CTNNA3: variants seen among roughly 807,000 people sequenced by gnomAD.
CTNNA3 encodes catenin alpha 3.
CTNNA3 carries 76 observed loss-of-function variants against 95.7 expected under a neutral mutation model. The ratio of observed to expected loss-of-function variants is 0.79; its 90% CI spans 0.66 to 0.96. CTNNA3 has a LOEUF of 0.96. Among genes scored for constraint, CTNNA3 ranks in the 40% least tolerant of loss-of-function variants. The pLI is 0.00. For synonymous variants in CTNNA3, 431 were observed against 374.4 expected, an observed-to-expected ratio of 1.15 and a Z score of -1.74; for missense variants, 1,191 against 1,089.8, an observed-to-expected ratio of 1.09 and a Z score of -1.31.
At chr10:66,529,596 T>C (rs181040166) in intron 10 of CTNNA3, among the ~76,000 whole-genome samples, 119 of 152,246 alleles carry the variant, frequency 7.8e-4, no homozygotes, top group African/African-American at 2.6e-3. Context: ...TTCAAAAAAG[T>C]TATTTTGCTT....
chr10:66,448,794 T>C, intron 11 of CTNNA3, among the ~76,000 whole-genome samples: 1 of 151,978 alleles, frequency 6.6e-6, no homozygotes, highest in Non-Finnish European at 1.5e-5. Flanking sequence ...AACCTGCATA[T>C]TGTCCACATG....
intron 4 of CTNNA3, among the ~76,000 whole-genome samples, chr10:67,525,293 G>C (rs1166093762): frequency 6.6e-6 from 1 of 151,770 alleles, no homozygotes; most frequent in East Asian, 1.9e-4. Flanking sequence ...CCCAGCACTT[G>C]CTGGAAAAGT....
At chr10:67,164,721 T>C (rs1861684968) in intron 7 of CTNNA3, among the ~76,000 whole-genome samples, 1 of 151,816 alleles carries the variant, frequency 6.6e-6, no homozygotes, top group Admixed American at 6.6e-5. Flanking sequence ...TATTAGAAAA[T>C]AGGCAAAAAA....
intron 2 of CTNNA3, among the ~76,000 whole-genome samples, chr10:67,610,701 A>G (rs1843428146): frequency 6.6e-6 from 1 of 152,224 alleles, no homozygotes; most frequent in Admixed American, 6.5e-5. Flanking sequence ...ATCCTGTAAA[A>G]TAAATCCTGT....
chr10:67,033,107 T>G (rs1853832872), intron 7 of CTNNA3, among the ~76,000 whole-genome samples: 1 of 152,242 alleles, frequency 6.6e-6, no homozygotes, highest in South Asian at 2.1e-4. Context: ...AAAAGAACTA[T>G]TTTAACAAAA....
intron 11 of CTNNA3, among the ~76,000 whole-genome samples, chr10:66,506,129 C>T (rs536957656): frequency 1.3e-4 from 20 of 152,102 alleles, no homozygotes; most frequent in African/African-American, 4.8e-4. Flanking sequence ...AATAACCTGC[C>T]CTTGCAGGAA....
At chr10:67,450,308 A>G (rs1346294526) in intron 5 of CTNNA3, among the ~76,000 whole-genome samples, 2 of 152,232 alleles carry the variant, frequency 1.3e-5, no homozygotes, top group Non-Finnish European at 1.5e-5. Context: ...ATATGCCCAG[A>G]TTAATATAAA....
In CTNNA3 at chr10:66,287,605, A is replaced by T. The variant is rs192990745; in HGVS notation, c.1733-6984T>A. ...GAGCTACATCTTTAAGAGAGAAAAG[A>T]TTATCAGCAAAATATTAAAATCAGA... On this transcript the variant is annotated intron_variant, in intron 12 of 17. Coordinates refer to ENST00000433211, the MANE Select transcript of CTNNA3 (RefSeq NM_013266.4). Among the ~76,000 whole-genome samples the T allele has an allele frequency of 2.0e-3, 299 of 152,212 alleles. 2 individuals are homozygous for T. Among genetic ancestry groups the T allele is most frequent in the African/African-American group, 6.9e-3 (286 of 41,554 alleles).
At chr10:66,246,192 G>C (rs796207342) in intron 13 of CTNNA3, among the ~76,000 whole-genome samples, 1 of 152,224 alleles carries the variant, frequency 6.6e-6, no homozygotes, top group African/African-American at 2.4e-5. Flanking sequence ...ACTGAGAGCA[G>C]GGAAAAGCCA....
chr10:67,606,537 C>T (rs1286571471), intron 3 of CTNNA3, among the ~76,000 whole-genome samples: 3 of 152,142 alleles, frequency 2.0e-5, no homozygotes, highest in South Asian at 4.1e-4. Context: ...AAATCTTCAG[C>T]TTCATTAGTC....
In CTNNA3 at chr10:66,829,854, T is replaced by TTTGTTGTTGTTGTTGTTGTTGTTG. The variant is rs59424993; in HGVS notation, c.1048-54354_1048-54331dup. On this transcript the variant is annotated intron_variant, in intron 7 of 17. Transcript: ENST00000433211. ...TATTTTTAACAAGCTCCCCAGGGGA[T>TTTGTTGTTGTTGTTGTTGTTGTTG]TTGTTGTTGTTGTTGTTGTTGTTGT... 1.8e-3 allele frequency among the ~76,000 whole-genome samples: 269 copies of TTTGTTGTTGTTGTTGTTGTTGTTG among 148,362 alleles called. 1 individual carries two copies. The highest frequency in any genetic ancestry group is 6.8e-3 in the Middle Eastern group (2 of 292).
chr10:66,268,190 C>T (rs1055082978), intron 13 of CTNNA3, among the ~76,000 whole-genome samples: 2 of 151,910 alleles, frequency 1.3e-5, no homozygotes, highest in African/African-American at 4.8e-5. Context: ...CAATATTATT[C>T]CTCATCTCAC....
chr10:66,550,748 C>G (rs763455719), intron 10 of CTNNA3, among the ~76,000 whole-genome samples: 2 of 151,780 alleles, frequency 1.3e-5, no homozygotes, highest in Non-Finnish European at 2.9e-5. Flanking sequence ...TTTATTATCT[C>G]ATTGTAATTT....
At position 66,756,382 on chromosome 10, in the gene CTNNA3, TAAGAC is replaced by T. The variant is rs200380950; in HGVS notation, c.1281+9877_1281+9881del. Reference sequence around the variant, plus strand: ...CAAATCTCTTCAAGTTGCTTATACTTAAGACAAAGCGATCAACGCAATTCAGAGTA... The same window carrying T: ...CAAATCTCTTCAAGTTGCTTATACTTAAAGCGATCAACGCAATTCAGAGTA... On this transcript the variant is annotated intron_variant, in intron 9 of 17. Transcript: ENST00000433211. Among the ~76,000 whole-genome samples the T allele has an allele frequency of 4.6e-5, 7 of 152,296 alleles. No individual in the cohort carries two copies. In the East Asian group the frequency reaches 1.3e-3, roughly 29 times the overall value.
chr10:67,588,775 T>G (rs1211909499), intron 3 of CTNNA3, among the ~76,000 whole-genome samples: 1 of 152,062 alleles, frequency 6.6e-6, no homozygotes, highest in African/African-American at 2.4e-5. Flanking sequence ...TTACTAGGAA[T>G]CTAAAAATGT....
chr10:66,957,629 A>G (rs1224573441), intron 7 of CTNNA3, among the ~76,000 whole-genome samples: 1 of 151,766 alleles, frequency 6.6e-6, no homozygotes, highest in East Asian at 1.9e-4. Context: ...GATACACTCA[A>G]AAGGAGTGAC....
chr10:66,153,044 T>C (rs1418010944), intron 13 of CTNNA3, among the ~76,000 whole-genome samples: 1 of 151,990 alleles, frequency 6.6e-6, no homozygotes, highest in Non-Finnish European at 1.5e-5. Flanking sequence ...TTTCTTCATA[T>C]TGATCTATCT....
chr10:67,514,914 T>TAACGCTTGACTCAACAGCTTTCTACCTA (rs1839765193), intron 5 of CTNNA3, among the ~76,000 whole-genome samples: 3 of 152,162 alleles, frequency 2.0e-5, no homozygotes, highest in African/African-American at 7.2e-5. Context: ...GAAAATCAGC[T>TAACGCTTGACTCAACAGCTTTCTACCTA]AACGCTTGAC....
chr10:66,703,468 G>A (rs1848018945), intron 9 of CTNNA3, among the ~76,000 whole-genome samples: 1 of 152,148 alleles, frequency 6.6e-6, no homozygotes, highest in Non-Finnish European at 1.5e-5. Flanking sequence ...TCAGCTGAAG[G>A]ATGAGCAGAA....
Sources: allele counts gnomAD v4.1 joint callset (sites outside exome capture counted in the v4.1 genomes callset), GRCh38; gene constraint gnomAD v4.1.1; transcripts MANE v1.5; gene names NCBI Gene and HGNC (gene_info 2026-07-23, HGNC 2026-07-21).